Variants in TAS1R1 observed in about 807,000 individuals in gnomAD.
TAS1R1 encodes taste 1 receptor member 1, also known as taste receptor type 1 member 1.
A neutral mutation model predicts 45.8 loss-of-function variants in TAS1R1; 31 were observed. The observed-to-expected ratio is 0.68, with a 90% CI of 0.51 to 0.91. The LOEUF is 0.91. Ranked by LOEUF, TAS1R1 falls within the 40% of genes least tolerant of loss-of-function variation. The pLI is 0.00. For missense variants in TAS1R1, 1,051 were observed against 1,063.9 expected (o/e 0.99, Z 0.17); for synonymous variants, 437 against 448.4 (o/e 0.97, Z 0.32).
At position 6,574,836 on chromosome 1, in the gene TAS1R1, AG is replaced by A; in HGVS notation, c.708del (p.Ile237SerfsTer53). On this transcript the variant is annotated frameshift_variant, in exon 3 of 6. Transcript: ENST00000333172. LOFTEE classifies it high-confidence loss of function. The surrounding 1 kb of genome is among the most constrained non-coding windows in gnomAD (Gnocchi z 4.3). Reference sequence around the variant, plus strand: ...GCACTGGAGAACCAGGCCACTGGTCAGGGGATCTGCATTGCTTTCAAGGACA... The same window carrying A: ...GCACTGGAGAACCAGGCCACTGGTCAGGGATCTGCATTGCTTTCAAGGACA... ...VQALENQATG[Q>X]GICIAFKDIM... 1 of 1,614,006 alleles carries A rather than the reference AG, an allele frequency of 6.2e-7. No homozygotes were observed.
Position 6,574,697 on chromosome 1 carries a change from A to C in TAS1R1, c.565A>C (p.Ile189Leu). 1 of 1,614,186 alleles carries C rather than the reference A, an allele frequency of 6.2e-7. No homozygotes were observed. The highest frequency in any genetic ancestry group is 8.5e-7 in the Non-Finnish European group (1 of 1,180,024). Residue 189 changes from isoleucine (I) to leucine (L), a missense_variant, in exon 3 of 6, where the codon ATC (isoleucine) becomes CTC (leucine). Transcript: ENST00000333172. This position sits in a 1 kb window ranked among gnomAD's most constrained non-coding sequence, Gnocchi z 4.3. Reference protein sequence around the residue: ...KRQYPSFLRTIPNDKYQVETM... With the variant: ...KRQYPSFLRTLPNDKYQVETM... ...GCAGTATCCCTCTTTCCTGCGCACC[A>C]TCCCCAATGACAAGTACCAGGTGGA...
chr1:6,559,733 T>TGAAGCAGGTGGATCACCTGGGCC, intron 1 of TAS1R1, among the ~76,000 whole-genome samples: 1 of 149,178 alleles, frequency 6.7e-6, no homozygotes, highest in South Asian at 2.1e-4. Flanking sequence ...TTTGGGAGGC[T>TGAAGCAGGTGGATCACCTGGGCC]GAAGCAGGTG....
intron 1 of TAS1R1, among the ~76,000 whole-genome samples, chr1:6,559,658 CAAAA>C (rs769420972): frequency 1.0e-5 from 1 of 100,502 alleles, no homozygotes. Flanking sequence ...GACTCCCTCT[CAAAA>C]AAAAAAAAAA....
chr1:6,577,014 A>C lies in TAS1R1; in HGVS notation c.1538A>C (p.His513Pro). ...EGHQRVVTGFHHCCFECVPCG... is the reference protein window; with the variant it reads ...EGHQRVVTGFPHCCFECVPCG... The stretch of plus-strand genomic sequence containing the variant: ...CACCAGCGAGTGGTTACGGGTTTCC[A>C]TCACTGCTGCTTTGAGTGTGTGCCC... The change falls in exon 5 of 6, where the codon CAT becomes CCT. Residue 513 changes from histidine to proline, a missense_variant. Coordinates refer to ENST00000333172, the MANE Select transcript of TAS1R1 (RefSeq NM_138697.4). 5 of 1,614,234 alleles carry C rather than the reference A, an allele frequency of 3.1e-6. No homozygotes were observed. Among genetic ancestry groups the C allele is most frequent in the Non-Finnish European group, 4.2e-6 (5 of 1,180,038 alleles).
chr1:6,571,168 C>A lies in TAS1R1; in HGVS notation c.451C>A (p.Arg151Ser). 1 of 1,599,842 alleles carries A rather than the reference C, an allele frequency of 6.3e-7. No individual in the cohort carries two copies. Among genetic ancestry groups the A allele is most frequent in the South Asian group, 1.1e-5 (1 of 89,038 alleles). Residue 151 changes from arginine (R) to serine (S), a missense_variant, in exon 2 of 6, where the codon CGT (arginine) becomes AGT (serine). Transcript: ENST00000333172. ...LAVIGPDSTN[R>S]AATTAALLSP... ...AGTGATTGGGCCTGACAGCACCAAC[C>A]GTGCTGCCACCACAGCCGCCCTGCT... is the stretch of plus-strand genomic sequence containing the variant.
chr1:6,559,989 ACT>A (rs1193739715), intron 1 of TAS1R1, among the ~76,000 whole-genome samples: 2 of 125,494 alleles, frequency 1.6e-5, no homozygotes, highest in African/African-American at 6.3e-5. Flanking sequence ...CAAGAGTGAA[ACT>A]CTGTCTCAAA....
Position 6,574,616 on chromosome 1 carries a change from C to T in TAS1R1, c.499-15C>T, listed in dbSNP as rs202036695. Reference sequence around the variant, plus strand: ...TTCAGTGGAGACTGAAATGGCTGAACGGGACCTCCCATAGATTAGCTATGC... The same window carrying T: ...TTCAGTGGAGACTGAAATGGCTGAATGGGACCTCCCATAGATTAGCTATGC... On this transcript the variant is annotated splice_polypyrimidine_tract_variant and intron_variant, in intron 2 of 5. Transcript: ENST00000333172. This position sits in a 1 kb window ranked among gnomAD's most constrained non-coding sequence, Gnocchi z 4.3. 3.0e-5 allele frequency: 48 copies of T among 1,579,720 alleles called. No homozygotes were observed. Among genetic ancestry groups the T allele is most frequent in the East Asian group, 1.8e-4 (8 of 44,606 alleles).
In TAS1R1 at chr1:6,576,460, A is replaced by G. The variant is rs1640175227; in HGVS notation, c.1306A>G (p.Thr436Ala). 1.2e-6 allele frequency: 2 copies of G among 1,614,152 alleles called. No individual in the cohort carries two copies. The highest frequency in any genetic ancestry group is 8.5e-7 in the Non-Finnish European group (1 of 1,180,060). ...HKVHFLLHKD[T>A]VAFNDNRDPL... ...GGTGCATTTCCTTCTACACAAGGAC[A>G]CTGTGGCGTTTAATGACAACAGAGA... is the stretch of plus-strand genomic sequence containing the variant. The change falls in exon 4 of 6, where the codon ACT (threonine) becomes GCT (alanine). Residue 436 changes from threonine (T) to alanine (A), a missense_variant. Physicochemically the swap from Thr to Ala is moderately conservative, Grantham distance 58. Transcript: ENST00000333172.
intron 1 of TAS1R1, among the ~76,000 whole-genome samples, chr1:6,562,389 C>A (rs1476535022): frequency 6.6e-6 from 1 of 152,170 alleles, no homozygotes; most frequent in African/African-American, 2.4e-5. Flanking sequence ...AGGATGGTCT[C>A]AATCTCCCAA....
intron 1 of TAS1R1, among the ~76,000 whole-genome samples, chr1:6,557,303 T>C (rs1262783548): frequency 3.3e-5 from 5 of 152,078 alleles, no homozygotes; most frequent in Admixed American, 3.3e-4. Context: ...AAGAATTGTC[T>C]CAGGCAGGAG....
chr1:6,566,831 GTGA>G (rs1319107684), intron 1 of TAS1R1, among the ~76,000 whole-genome samples: 1 of 152,144 alleles, frequency 6.6e-6, no homozygotes, highest in East Asian at 1.9e-4. Flanking sequence ...TCCTGACCTC[GTGA>G]TCTGCCCGCC....
Position 6,576,624 on chromosome 1 carries a change from C to G in TAS1R1, c.1470C>G (p.Asn490Lys), listed in dbSNP as rs201912511. 1.5e-4 allele frequency: 237 copies of G among 1,613,174 alleles called. No homozygotes were observed. Among genetic ancestry groups the G allele is most frequent in the Non-Finnish European group, 1.9e-4 (220 of 1,179,460 alleles). ...AAATCCAGTGGCACGGAAAGGACAA[C>G]CAGGTAATGGGGATGTGGCTACTCA... ...ETKIQWHGKD[N>K]QVPKSVCSSD... Residue 490 changes from asparagine to lysine, a missense_variant, in exon 4 of 6, where the codon AAC (asparagine) becomes AAG (lysine). Coordinates refer to ENST00000333172, the MANE Select transcript of TAS1R1 (RefSeq NM_138697.4).
intron 1 of TAS1R1, among the ~76,000 whole-genome samples, chr1:6,557,008 C>CAAAAAA (rs35187481): frequency 1.6e-5 from 1 of 63,480 alleles, no homozygotes; most frequent in African/African-American, 5.5e-5. Context: ...GGCTCCATCT[C>CAAAAAA]AAAAAAAAAA....
intron 1 of TAS1R1, among the ~76,000 whole-genome samples, chr1:6,569,544 T>C (rs771542337): frequency 8.6e-5 from 13 of 152,026 alleles, no homozygotes; most frequent in Admixed American, 4.6e-4. Flanking sequence ...GCCGAGGGCA[T>C]TGAGGTTGCA....
chr1:6,572,536 C>A (rs757069845), intron 2 of TAS1R1, among the ~76,000 whole-genome samples: 2 of 152,188 alleles, frequency 1.3e-5, no homozygotes, highest in Non-Finnish European at 2.9e-5. Context: ...GGTGAGATTA[C>A]AGGCATGAGG....
chr1:6,558,155 G>C (rs918522271), intron 1 of TAS1R1, among the ~76,000 whole-genome samples: 2 of 151,378 alleles, frequency 1.3e-5, no homozygotes, highest in Admixed American at 1.3e-4. Context: ...TGAGGCCCTA[G>C]CCTCCTTACT....
intron 2 of TAS1R1, among the ~76,000 whole-genome samples, chr1:6,572,946 C>T (rs561036744): frequency 1.6e-3 from 239 of 152,282 alleles, no homozygotes; most frequent in African/African-American, 5.5e-3. Context: ...GGCCATCACC[C>T]TGGAGTCCTG....
intron 1 of TAS1R1, among the ~76,000 whole-genome samples, chr1:6,555,866 C>CCTTTTTTTTT (rs1553185410): frequency 7.2e-4 from 69 of 95,342 alleles, no homozygotes; most frequent in South Asian, 1.9e-3. Flanking sequence ...TTTCCCTCTT[C>CCTTTTTTTTT]TTTTTTTTTT....
intron 1 of TAS1R1, among the ~76,000 whole-genome samples, chr1:6,563,596 T>G (rs777215818): frequency 7.4e-4 from 112 of 151,984 alleles, no homozygotes; most frequent in Non-Finnish European, 1.4e-3. Context: ...ACATAGGTGG[T>G]AGTTGATAGG....
Sources: allele counts gnomAD v4.1 joint callset (sites outside exome capture counted in the v4.1 genomes callset), GRCh38; gene constraint gnomAD v4.1.1; non-coding constraint Gnocchi (gnomAD v3.1); transcripts MANE v1.5; gene names NCBI Gene and HGNC (gene_info 2026-07-23, HGNC 2026-07-21).